The following SLC8A1 variants were observed in gnomAD, a reference collection of about 807,000 sequenced individuals.
The protein encoded by SLC8A1 is solute carrier family 8 member A1.
SLC8A1 carries 18 observed loss-of-function variants against 68.3 expected under a neutral mutation model. The observed-to-expected ratio is 0.26, with a 90% CI of 0.18 to 0.39. The LOEUF is 0.39. Ranked by LOEUF, SLC8A1 falls within the 10% of genes least tolerant of loss-of-function variation. The probability of loss-of-function intolerance (pLI) is 1.00; values close to 1 mark genes in which losing one functional copy is unlikely to be tolerated. For synonymous variants in SLC8A1, 475 were observed against 415.5 expected (o/e 1.14, Z -1.74); for missense variants, 985 against 1,156.7 (o/e 0.85, Z 2.15).
At chr2:40,369,886 A>T (rs543596255) in intron 2 of SLC8A1, among the ~76,000 whole-genome samples, 5 of 14,280 alleles carry the variant, frequency 3.5e-4, no homozygotes, top group East Asian at 2.4e-3. Flanking sequence ...CCAAAAAAAT[A>T]AAAAAACTGC....
intron 2 of SLC8A1, among the ~76,000 whole-genome samples, chr2:40,229,558 A>T (rs1656504594): frequency 1.3e-5 from 2 of 152,106 alleles, no homozygotes; most frequent in Non-Finnish European, 2.9e-5. Context: ...TGTTTGCAAG[A>T]CTCTCCAATG....
intron 2 of SLC8A1, among the ~76,000 whole-genome samples, chr2:40,226,470 T>C (rs1166899832): frequency 6.6e-6 from 1 of 152,184 alleles, no homozygotes; most frequent in Non-Finnish European, 1.5e-5. Flanking sequence ...AGGGAAAGTC[T>C]AGAATGCCAA....
At chr2:40,304,394 A>G (rs527563062) in intron 2 of SLC8A1, among the ~76,000 whole-genome samples, 1 of 152,222 alleles carries the variant, frequency 6.6e-6, no homozygotes, top group South Asian at 2.1e-4. Flanking sequence ...TGGAATCCCT[A>G]TGTTAATTAC....
In SLC8A1 at chr2:40,237,097, C is replaced by T. The variant is rs538915464; in HGVS notation, c.1809-59242G>A. On this transcript the variant is annotated intron_variant, in intron 2 of 7. Coordinates refer to ENST00000406785, the Ensembl canonical transcript of SLC8A1. Reference sequence around the variant, plus strand: ...AATTATGTGTCTTGGAGTTGCTCTTCTCGAGGAGTATCTTTGTGGCGTTCT... The same window carrying T: ...AATTATGTGTCTTGGAGTTGCTCTTTTCGAGGAGTATCTTTGTGGCGTTCT... Among the ~76,000 whole-genome samples, 7 of 151,656 alleles carry T rather than the reference C, an allele frequency of 4.6e-5. 1 individual carries two copies. In the South Asian group the frequency reaches 1.5e-3, roughly 32 times the overall value.
exon 8 of SLC8A1, chr2:40,099,065 G>C (rs1040886038): frequency 6.6e-6 from 1 of 151,928 alleles, no homozygotes; most frequent in African/African-American, 2.4e-5. Context: ...TCAATTCAGA[G>C]TGAATCAACT....
chr2:40,506,842 A>C (rs151269388), intron 1 of SLC8A1, among the ~76,000 whole-genome samples: 1 of 152,138 alleles, frequency 6.6e-6, no homozygotes, highest in East Asian at 1.9e-4. Context: ...GAGTGAAAAT[A>C]GGGTTAGAAG....
chr2:40,418,790 A>G (rs1445304541), intron 2 of SLC8A1, among the ~76,000 whole-genome samples: 2 of 152,200 alleles, frequency 1.3e-5, no homozygotes, highest in Admixed American at 1.3e-4. Context: ...TCTCCATCAG[A>G]GAGGGCAGCC....
chr2:40,497,156 A>G (rs1705765867), intron 1 of SLC8A1, among the ~76,000 whole-genome samples: 1 of 152,126 alleles, frequency 6.6e-6, no homozygotes, highest in African/African-American at 2.4e-5. Flanking sequence ...AATTAGTTTA[A>G]CAGCATGGAG....
At chr2:40,183,448 T>C (rs2050025254) in intron 2 of SLC8A1, among the ~76,000 whole-genome samples, 1 of 152,140 alleles carries the variant, frequency 6.6e-6, no homozygotes, top group East Asian at 1.9e-4. Context: ...GTTAAATCAT[T>C]GAGGAGATAA....
chr2:40,408,897 C>G (rs1284796286), intron 2 of SLC8A1, among the ~76,000 whole-genome samples: 1 of 150,914 alleles, frequency 6.6e-6, no homozygotes, highest in African/African-American at 2.4e-5. Context: ...AAAAATATAG[C>G]CATAAGAACC....
At chr2:40,122,337 T>G (rs2037094823) in intron 7 of SLC8A1, among the ~76,000 whole-genome samples, 1 of 152,062 alleles carries the variant, frequency 6.6e-6, no homozygotes, top group Non-Finnish European at 1.5e-5. Context: ...TTTGACTGAT[T>G]AATAACCAGG....
At chr2:40,289,984 G>A (rs2068999193) in intron 2 of SLC8A1, among the ~76,000 whole-genome samples, 1 of 151,980 alleles carries the variant, frequency 6.6e-6, no homozygotes, top group African/African-American at 2.4e-5. Context: ...TTAGGTAGTT[G>A]GTGCTAGGAG....
At chr2:40,237,941 TTGG>T (rs1009935233) in intron 2 of SLC8A1, among the ~76,000 whole-genome samples, 2 of 85,786 alleles carry the variant, frequency 2.3e-5, no homozygotes, top group Non-Finnish European at 5.4e-5. Context: ...AGGGACCCAC[TTGG>T]GGAGGCAGTC....
chr2:40,493,135 C>G (rs1394089451), intron 1 of SLC8A1, among the ~76,000 whole-genome samples: 1 of 152,034 alleles, frequency 6.6e-6, no homozygotes, highest in Non-Finnish European at 1.5e-5. Context: ...GAAAATGTGG[C>G]ACATAAACAC....
At chr2:40,365,548 G>C (rs1458367749) in intron 2 of SLC8A1, among the ~76,000 whole-genome samples, 1 of 152,084 alleles carries the variant, frequency 6.6e-6, no homozygotes, top group Non-Finnish European at 1.5e-5. Flanking sequence ...TTGGGGGCAA[G>C]GTGAGGGGCT....
intron 2 of SLC8A1, among the ~76,000 whole-genome samples, chr2:40,198,491 G>GTAT (rs1427924355): frequency 2.0e-5 from 3 of 151,754 alleles, no homozygotes; most frequent in Non-Finnish European, 4.4e-5. Context: ...AATATTTCAG[G>GTAT]TATTTAATTT....
At chr2:40,212,175 A>T (rs912558307) in intron 2 of SLC8A1, among the ~76,000 whole-genome samples, 2 of 152,152 alleles carry the variant, frequency 1.3e-5, no homozygotes, top group Non-Finnish European at 2.9e-5. Flanking sequence ...ACAGAGAAAG[A>T]GACATAAATC....
At chr2:40,332,427 G>A (rs1339191936) in intron 2 of SLC8A1, among the ~76,000 whole-genome samples, 1 of 139,644 alleles carries the variant, frequency 7.2e-6, no homozygotes, top group Admixed American at 7.2e-5. Context: ...TGTGTGGGGG[G>A]AGGACGGGGG....
chr2:40,298,102 G>C (rs1006671405), intron 2 of SLC8A1, among the ~76,000 whole-genome samples: 1 of 151,948 alleles, frequency 6.6e-6, no homozygotes, highest in Non-Finnish European at 1.5e-5. Context: ...GGCTGGTCTC[G>C]AACTCCTGAA....
Sources: allele counts gnomAD v4.1 joint callset (sites outside exome capture counted in the v4.1 genomes callset), GRCh38; gene constraint gnomAD v4.1.1; transcripts MANE v1.5; gene names NCBI Gene and HGNC (gene_info 2026-07-23, HGNC 2026-07-21).